Variants in PHF24 observed in about 807,000 individuals in gnomAD.
PHF24 encodes Galpha inhibitory interacting protein.
In PHF24, 25 loss-of-function variants were observed where a neutral mutation model predicts 42.6. That is an observed-to-expected ratio of 0.59 (90% CI 0.43 to 0.82). The LOEUF is 0.82. Among genes scored for constraint, PHF24 ranks in the 40% least tolerant of loss-of-function variants. The pLI, the probability that PHF24 is intolerant of heterozygous loss-of-function variation, is 0.00. For missense variants in PHF24, 470 were observed against 538.1 expected (o/e 0.87, Z 1.25); for synonymous variants, 185 against 204.8 (o/e 0.90, Z 0.83).
At chr9:34,700,339 C>CGTTGCAACAATCCA in the PHF24 span, among the ~76,000 whole-genome samples, 726 of 152,138 alleles carry the variant, frequency 4.8e-3, 6 homozygotes, top group African/African-American at 0.017. Flanking sequence ...GGGTGGAGGC[C>CGTTGCAACAATCCA]GTTGCAACAA....
At chr9:34,666,175 G>T in the PHF24 span, 1 of 174,012 alleles carries the variant, frequency 5.7e-6, no homozygotes, top group Non-Finnish European at 1.3e-5. Flanking sequence ...GAGGCCAGGG[G>T]CGGGGTCGGT....
the PHF24 span, among the ~76,000 whole-genome samples, chr9:34,678,775 C>T: frequency 3.9e-5 from 6 of 152,110 alleles, no homozygotes; most frequent in Non-Finnish European, 8.8e-5. Context: ...GGACTACAGG[C>T]ATGGGCTACC....
the PHF24 span, among the ~76,000 whole-genome samples, chr9:34,782,924 A>G: frequency 6.6e-6 from 1 of 152,256 alleles, no homozygotes; most frequent in African/African-American, 2.4e-5. Flanking sequence ...TTGAACTCCA[A>G]TCCCAGAAAA....
the PHF24 span, among the ~76,000 whole-genome samples, chr9:34,737,307 G>T: frequency 6.6e-6 from 1 of 152,076 alleles, no homozygotes; most frequent in Admixed American, 6.6e-5. Flanking sequence ...GTGACCTTTT[G>T]CACCTGACTT....
the PHF24 span, among the ~76,000 whole-genome samples, chr9:34,875,990 T>C: frequency 6.9e-6 from 1 of 145,688 alleles, no homozygotes; most frequent in Non-Finnish European, 1.5e-5. Flanking sequence ...TCTCTCTCAC[T>C]CCTTCCAAGT....
At chr9:34,915,810 G>C in the PHF24 span, among the ~76,000 whole-genome samples, 1 of 152,146 alleles carries the variant, frequency 6.6e-6, no homozygotes, top group Non-Finnish European at 1.5e-5. Context: ...CCTTGTTATG[G>C]TTTGGCTCTG....
At chr9:34,925,956 A>G in the PHF24 span, among the ~76,000 whole-genome samples, 1 of 152,222 alleles carries the variant, frequency 6.6e-6, no homozygotes. Context: ...ACTTGTTTAT[A>G]TGAATGGGAC....
At chr9:34,680,708 A>T in the PHF24 span, among the ~76,000 whole-genome samples, 145 of 59,300 alleles carry the variant, frequency 2.4e-3, 3 homozygotes, top group Admixed American at 0.012. Context: ...ATAAATAAAT[A>T]AAAAAAAAAA....
At chr9:34,827,712 G>A in the PHF24 span, among the ~76,000 whole-genome samples, 1 of 152,132 alleles carries the variant, frequency 6.6e-6, no homozygotes, top group Non-Finnish European at 1.5e-5. Context: ...ATGCAGAGGT[G>A]CCATCTCCTG....
At chr9:34,825,870 G>C in the PHF24 span, among the ~76,000 whole-genome samples, 2 of 152,078 alleles carry the variant, frequency 1.3e-5, no homozygotes, top group African/African-American at 4.8e-5. Context: ...ACAATTTACT[G>C]CAAGGAGGGC....
chr9:34,701,629 C>T, the PHF24 span, among the ~76,000 whole-genome samples: 1 of 152,220 alleles, frequency 6.6e-6, no homozygotes, highest in African/African-American at 2.4e-5. This position sits in a 1 kb window ranked among gnomAD's most constrained non-coding sequence, Gnocchi z 5.8. Context: ...CCCGCCGTCC[C>T]TGGGGTCCCC....
chr9:34,835,915 G>A, the PHF24 span: 96 of 802,892 alleles, frequency 1.2e-4, no homozygotes, highest in African/African-American at 1.2e-3. Context: ...TGGACTCCTC[G>A]ACAAAGTTGG....
At chr9:34,723,571 G>T in the PHF24 span, 1 of 1,551,786 alleles carries the variant, frequency 6.4e-7, no homozygotes, top group Admixed American at 2.0e-5. Flanking sequence ...TTGTCTTGGG[G>T]TTAATATGCT....
the PHF24 span, among the ~76,000 whole-genome samples, chr9:34,787,509 G>A: frequency 6.6e-6 from 1 of 152,092 alleles, no homozygotes; most frequent in Non-Finnish European, 1.5e-5. Flanking sequence ...AACTTTTTCA[G>A]GGTTATCTTG....
At chr9:34,893,987 A>G in the PHF24 span, among the ~76,000 whole-genome samples, 5 of 152,232 alleles carry the variant, frequency 3.3e-5, no homozygotes, top group Admixed American at 1.3e-4. Flanking sequence ...AGAAGAGGAT[A>G]AGATGATAGG....
At chr9:34,684,270 AC>A in the PHF24 span, among the ~76,000 whole-genome samples, 1 of 152,186 alleles carries the variant, frequency 6.6e-6, no homozygotes, top group Non-Finnish European at 1.5e-5. Flanking sequence ...TGGGTTGCAG[AC>A]AGTGATGAGG....
the PHF24 span, among the ~76,000 whole-genome samples, chr9:34,676,657 G>C: frequency 1.1e-4 from 16 of 152,286 alleles, no homozygotes; most frequent in East Asian, 2.9e-3. Context: ...ACCTGAAACT[G>C]GGTAATTTAT....
At chr9:34,912,869 C>T in the PHF24 span, among the ~76,000 whole-genome samples, 5 of 152,090 alleles carry the variant, frequency 3.3e-5, no homozygotes, top group Non-Finnish European at 7.4e-5. Flanking sequence ...TAGATGTCAA[C>T]CCCAAGATGT....
the PHF24 span, among the ~76,000 whole-genome samples, chr9:34,773,051 C>T: frequency 5.5e-4 from 82 of 150,380 alleles, 1 homozygote; most frequent in African/African-American, 2.0e-3. Flanking sequence ...AGTGCAACGG[C>T]GCGATCTCGG....
Sources: gnomAD v4.1 joint callset for allele counts (sites outside exome capture counted in the v4.1 genomes callset) on GRCh38, gnomAD v4.1.1 for gene constraint, Gnocchi (gnomAD v3.1) non-coding constraint, MANE v1.5 for transcripts, NCBI Gene and HGNC (gene_info 2026-07-23, HGNC 2026-07-21) for gene names.